The following SCLY variants were observed in gnomAD, a reference collection of about 807,000 sequenced individuals.
SCLY encodes the protein selenocysteine lyase, also known as putative selenocysteine lyase.
Under a neutral mutation model 50.1 loss-of-function variants are expected in SCLY, and 38 were observed. The ratio of observed to expected loss-of-function variants is 0.76; its 90% CI spans 0.59 to 0.99. The LOEUF (loss-of-function observed/expected upper bound fraction) is 0.99, where lower values mean the gene tolerates loss of function less well. SCLY is among the 50% of genes least tolerant of loss of function. SCLY has a pLI of 0.00. For missense variants in SCLY, 600 were observed against 620.0 expected (o/e 0.97, Z 0.34); for synonymous variants, 243 against 249.4 (o/e 0.97, Z 0.24).
intron 4 of SCLY, 59 bp from the exon 5 acceptor site, chr2:238,081,649 CG>C: frequency 6.4e-7 from 1 of 1,574,460 alleles, no homozygotes. Context: ...TCTGTTGGAA[CG>C]CAGTTTTGAG....
Position 238,099,227 on chromosome 2 carries a change from C to T in SCLY, c.*872C>T, listed in dbSNP as rs147342961. The T allele has an allele frequency of 1.8e-3, 865 of 471,230 alleles. No individual in the cohort carries two copies. The highest frequency in any genetic ancestry group is 3.2e-3 in the Non-Finnish European group (722 of 227,012). The allele number at this position is 471,230 out of a possible 1,614,324, so 29.2% of individuals were successfully genotyped here. The stretch of plus-strand genomic sequence containing the variant: ...TCAGCTTTTACCTTAATTTTATTTG[C>T]AGAGGATTCTTTTCTCAAAATGCTC... On this transcript the variant is annotated 3_prime_UTR_variant, in exon 12 of 12. Transcript: ENST00000254663.
rs1559254512 is a variant in SCLY, at chr2:238,098,598, C to CCCACATAGAACCGCCCACATAGAACCGT, written c.*251_*252insAACCGCCCACATAGAACCGTCCACATAG. On this transcript the variant is annotated 3_prime_UTR_variant, in exon 12 of 12. Transcript: ENST00000254663. ...ACATGGGACCGCCCACATAGGACCG[C>CCCACATAGAACCGCCCACATAGAACCGT]CCACATAGGACCGCCCACATGGGAC... The CCCACATAGAACCGCCCACATAGAACCGT allele has an allele frequency of 2.6e-6, 1 of 386,384 alleles. No homozygotes were observed. The highest frequency in any genetic ancestry group is 2.8e-5 in the African/African-American group (1 of 36,318). The allele number at this position is 386,384 out of a possible 1,614,324, so 23.9% of individuals were successfully genotyped here. A position where few individuals can be genotyped will look rare whatever the true frequency, so the allele number is the denominator to read the frequency against.
rs1229890013 is a variant in SCLY, at chr2:238,096,838, C to T, written c.1146C>T (p.Ala382=). The T allele has an allele frequency of 3.7e-6, 6 of 1,612,620 alleles. No homozygotes were observed. Among genetic ancestry groups the T allele is most frequent in the Non-Finnish European group, 4.2e-6 (5 of 1,179,646 alleles). ...TTGCGCAGTGCCGAGTGCTGATGGC[C>T]AGTGTGGGGGCCGCGTGCCACTCGG... The part of the protein sequence containing the change: ...VVLAQCRVLM[A]SVGAACHSDH... Residue 382 remains alanine, a synonymous_variant, in exon 11 of 12, where the codon GCC becomes GCT. Coordinates refer to ENST00000254663, the MANE Select transcript of SCLY (RefSeq NM_016510.7).
chr2:238,087,919 A>T (rs879416987), intron 7 of SCLY, among the ~76,000 whole-genome samples: 2 of 151,914 alleles, frequency 1.3e-5, no homozygotes, highest in African/African-American at 2.4e-5. Flanking sequence ...CCATAGTGAG[A>T]CCCCTCTACA....
Position 238,082,165 on chromosome 2 carries a change from G to A in SCLY, c.733G>A (p.Val245Met), listed in dbSNP as rs145727476. 6.6e-5 allele frequency: 107 copies of A among 1,612,062 alleles called. No individual in the cohort carries two copies. Among genetic ancestry groups the A allele is most frequent in the Middle Eastern group, 2.1e-4 (1 of 4,668 alleles). ...AQALGKQRVD[V>M]EDLGVDFLTI... ...GGCCTTGGGGAAGCAGCGCGTGGAT[G>A]TGGAGGACCTGGGCGTGGACTTCCT... Residue 245 changes from valine to methionine, a missense_variant, in exon 6 of 12, where the codon GTG becomes ATG. By Grantham distance (21) the Val-to-Met change is conservative. Transcript: ENST00000254663.
rs57089270 is a variant in SCLY, at chr2:238,098,605, AGGACCGCCCACATG to A, written c.*292_*305del. 0.029 allele frequency: 9,051 copies of A among 310,754 alleles called. 757 individuals are homozygous for A. The highest frequency in any genetic ancestry group is 0.041 in the Middle Eastern group (55 of 1,348). 19.2% of individuals were successfully genotyped at this position (310,754 alleles called of 1,614,324 possible). On this transcript the variant is annotated 3_prime_UTR_variant, in exon 12 of 12. Transcript: ENST00000254663. ...ACCGCCCACATAGGACCGCCCACAT[AGGACCGCCCACATG>A]GGACCGCCCACATGGGACCGCCCAC... is the stretch of plus-strand genomic sequence containing the variant.
Position 238,061,149 on chromosome 2 carries a change from C to CAGG in SCLY, c.89+6_89+7insAGG. The CAGG allele has an allele frequency of 6.7e-7, 1 of 1,488,892 alleles. No individual in the cohort carries two copies. Among genetic ancestry groups the CAGG allele is most frequent in the Admixed American group, 2.2e-5 (1 of 45,706 alleles). The allele number at this position is 1,488,892 out of a possible 1,614,324, so 92.2% of individuals were successfully genotyped here. On this transcript the variant is annotated splice_region_variant and intron_variant, in intron 1 of 11. Coordinates refer to ENST00000254663, the MANE Select transcript of SCLY (RefSeq NM_016510.7). ...AAACACAACTCGCCGGAGAGGTGCGCGCCTTTAGGGCAGGGCTGGGGAGCG... is the reference window on the plus strand; with the variant it reads ...AAACACAACTCGCCGGAGAGGTGCGCAGGGCCTTTAGGGCAGGGCTGGGGAGCG...
intron 7 of SCLY, among the ~76,000 whole-genome samples, chr2:238,088,299 T>C (rs1336052945): frequency 6.6e-6 from 1 of 151,536 alleles, no homozygotes; most frequent in Non-Finnish European, 1.5e-5. Flanking sequence ...TCGCCTCTAT[T>C]ACAAATACAA....
chr2:238,062,470 T>C (rs821482), intron 1 of SCLY, among the ~76,000 whole-genome samples: 128,756 of 151,628 alleles, frequency 0.85, 54,737 homozygotes, highest in East Asian at 0.97. Context: ...AGTGCAGTGG[T>C]GCAGTCTTGG....
chr2:238,086,012 A>G (rs1189728537), intron 7 of SCLY, among the ~76,000 whole-genome samples: 1 of 152,228 alleles, frequency 6.6e-6, no homozygotes, highest in Non-Finnish European at 1.5e-5. Flanking sequence ...AAGCAGTCAG[A>G]GAAAGATGAC....
rs1374579697 is a variant in SCLY, at chr2:238,099,359, T to C, written c.*1004T>C. ...CGGTTCAAGGAACTACTTGATGATT[T>C]TGAGGAAACACTTGCCAGAAACTAA... On this transcript the variant is annotated 3_prime_UTR_variant, in exon 12 of 12. Coordinates refer to ENST00000254663, the MANE Select transcript of SCLY (RefSeq NM_016510.7). 8.6e-6 allele frequency: 4 copies of C among 464,814 alleles called. No individual in the cohort carries two copies. Among genetic ancestry groups the C allele is most frequent in the African/African-American group, 2.0e-5 (1 of 49,784 alleles). The allele number at this position is 464,814 out of a possible 1,614,324, so 28.8% of individuals were successfully genotyped here.
Position 238,098,833 on chromosome 2 carries a change from C to CT in SCLY, c.*480dup. 3.3e-6 allele frequency: 1 copy of CT among 303,208 alleles called. No homozygotes were observed. The highest frequency in any genetic ancestry group is 2.2e-5 in the African/African-American group (1 of 44,898). The allele number at this position is 303,208 out of a possible 1,614,324, so 18.8% of individuals were successfully genotyped here. On this transcript the variant is annotated 3_prime_UTR_variant, in exon 12 of 12. Transcript: ENST00000254663. ...CAAATGCTATCATGAACGTAGGAAA[C>CT]TTGATTTTTTTGTTTTGATCATGGC...
chr2:238,091,560 G>GCCT, intron 8 of SCLY: 3 of 313,446 alleles, frequency 9.6e-6, no homozygotes, highest in Admixed American at 4.7e-5. Context: ...CATTCCCAAA[G>GCCT]GCGTCGGCAG....
chr2:238,082,705 T>C (rs988002441), intron 6 of SCLY: 32 of 180,760 alleles, frequency 1.8e-4, no homozygotes, highest in Admixed American at 8.6e-4. Context: ...CTGAAAATTT[T>C]GCACATCTTT....
In SCLY at chr2:238,061,059, A is replaced by C; in HGVS notation, c.5A>C (p.Glu2Ala). 2 of 1,387,124 alleles carry C rather than the reference A, an allele frequency of 1.4e-6. No individual in the cohort carries two copies. The highest frequency in any genetic ancestry group is 1.9e-6 in the Non-Finnish European group (2 of 1,080,230). The allele number at this position is 1,387,124 out of a possible 1,614,324, so 85.9% of individuals were successfully genotyped here. A position where few individuals can be genotyped will look rare whatever the true frequency, so the allele number is the denominator to read the frequency against. M[E>A]AAVAPGRDAP... is the part of the protein sequence containing the mutation. ...CCCGGCAGCAGTGGGGCGGGGATGG[A>C]GGCGGCCGTGGCGCCGGGGAGGGAT... The change falls in exon 1 of 12, where the codon GAG (glutamate) becomes GCG (alanine). Residue 2 changes from glutamate to alanine, a missense_variant. Transcript: ENST00000254663.
rs1309751036 is a variant in SCLY, at chr2:238,081,739, G to A, written c.515G>A (p.Ser172Asn). Residue 172 changes from serine (S) to asparagine (N), a missense_variant, in exon 5 of 12, where the codon AGC becomes AAC. By Grantham distance (46) the Ser-to-Asn change is conservative. Coordinates refer to ENST00000254663, the MANE Select transcript of SCLY (RefSeq NM_016510.7). ...ACCTTTGTCCCGGTGTCCAAGGTGA[G>A]CGGGCAGGCAGAGGTGGACGACATC... ...AVTFVPVSKV[S>N]GQAEVDDILA... 6.2e-7 allele frequency: 1 copy of A among 1,614,252 alleles called. No individual in the cohort carries two copies. Among genetic ancestry groups the A allele is most frequent in the South Asian group, 1.1e-5 (1 of 91,090 alleles).
At chr2:238,075,339 T>A (rs1281259134) in intron 4 of SCLY, among the ~76,000 whole-genome samples, 1 of 152,194 alleles carries the variant, frequency 6.6e-6, no homozygotes, top group Non-Finnish European at 1.5e-5. Context: ...TAGTCTGTAG[T>A]TTTCTTGTGG....
chr2:238,098,661 AGAACCGTCCTCCAGT>A lies in SCLY; in HGVS notation c.*308_*322del. On this transcript the variant is annotated 3_prime_UTR_variant, in exon 12 of 12. Coordinates refer to ENST00000254663, the MANE Select transcript of SCLY (RefSeq NM_016510.7). ...ACCGCCCACATGGGACCGCCCACAT[AGAACCGTCCTCCAGT>A]GGTGAAGCGGAAACACTTAGCTTTA... is the stretch of plus-strand genomic sequence containing the variant. The A allele has an allele frequency of 4.9e-6, 1 of 202,370 alleles. No homozygotes were observed. The allele number at this position is 202,370 out of a possible 1,614,324, so 12.5% of individuals were successfully genotyped here.
intron 7 of SCLY, among the ~76,000 whole-genome samples, chr2:238,090,688 G>A (rs1444899960): frequency 6.6e-6 from 1 of 152,020 alleles, no homozygotes; most frequent in Non-Finnish European, 1.5e-5. Context: ...CTGAAAATAG[G>A]GTAATGAGTT....
Sources: allele counts gnomAD v4.1 joint callset (sites outside exome capture counted in the v4.1 genomes callset), GRCh38; gene constraint gnomAD v4.1.1; transcripts MANE v1.5; gene names NCBI Gene and HGNC (gene_info 2026-07-23, HGNC 2026-07-21).